The following MSRB3 variants were observed in gnomAD, a reference collection of about 807,000 sequenced individuals.
MSRB3 encodes methionine-R-sulfoxide reductase B3.
In MSRB3, 13 loss-of-function variants were observed where a neutral mutation model predicts 21.0. The ratio of observed to expected loss-of-function variants is 0.62; its 90% CI spans 0.40 to 0.98. The LOEUF (loss-of-function observed/expected upper bound fraction) is 0.98. Ranked by LOEUF, MSRB3 falls within the 50% of genes least tolerant of loss-of-function variation. MSRB3 has a pLI of 0.00. For missense variants in MSRB3, 199 were observed against 230.3 expected, an observed-to-expected ratio of 0.86 and a Z score of 0.88; for synonymous variants, 87 against 88.6, an observed-to-expected ratio of 0.98 and a Z score of 0.10.
At chr12:65,462,605 C>T (rs1883379342) in intron 6 of MSRB3, among the ~76,000 whole-genome samples, 1 of 152,194 alleles carries the variant, frequency 6.6e-6, no homozygotes, top group East Asian at 1.9e-4. Flanking sequence ...ATTTGCAGCC[C>T]TGGTGACTGT....
At chr12:65,293,102 C>A (rs116977231) in intron 1 of MSRB3, among the ~76,000 whole-genome samples, 4,199 of 152,228 alleles carry the variant, frequency 0.028, 87 homozygotes, top group Non-Finnish European at 0.038. Context: ...GAACTTAAGC[C>A]TCCCCACCTT....
chr12:65,407,513 G>A (rs562307217), intron 5 of MSRB3, among the ~76,000 whole-genome samples: 6 of 151,984 alleles, frequency 3.9e-5, no homozygotes, highest in East Asian at 3.9e-4. Context: ...ATTTGAATAC[G>A]ATATTGCCAG....
chr12:65,291,585 C>G (rs1421662365), intron 1 of MSRB3, among the ~76,000 whole-genome samples: 1 of 151,972 alleles, frequency 6.6e-6, no homozygotes, highest in Non-Finnish European at 1.5e-5. Flanking sequence ...TGCCATCCTT[C>G]CAAAAATATG....
chr12:65,278,750 G>T lies in MSRB3; in HGVS notation c.-167G>T. 6.4e-7 allele frequency: 1 copy of T among 1,572,750 alleles called. No individual in the cohort carries two copies. ...AGGGAGCGAGGTTCGGACACCGGCG[G>T]CGGCTGCCTGGCCTTTCCATGAGCC... On this transcript the variant is annotated 5_prime_UTR_variant, in exon 1 of 7. Transcript: ENST00000308259.
rs1418081653 is a variant in MSRB3, at chr12:65,412,092, C to T, written c.293-41636C>T. On this transcript the variant is annotated intron_variant, in intron 5 of 6. Transcript: ENST00000308259. ...CTATAGTCATGTTTTCACTCAATTTCAAGCCCTTTTTATTTTAACTTTATT... is the reference window on the plus strand; with the variant it reads ...CTATAGTCATGTTTTCACTCAATTTTAAGCCCTTTTTATTTTAACTTTATT... 4.6e-5 allele frequency among the ~76,000 whole-genome samples: 7 copies of T among 152,260 alleles called. No homozygotes were observed. In the East Asian group the frequency reaches 1.4e-3, roughly 29 times the overall value.
At chr12:65,354,705 T>C (rs1401741582) in intron 4 of MSRB3, among the ~76,000 whole-genome samples, 1 of 151,838 alleles carries the variant, frequency 6.6e-6, no homozygotes, top group African/African-American at 2.4e-5. Flanking sequence ...AAGGAATGAA[T>C]AAGGCAGTGA....
chr12:65,413,033 A>T (rs1396172929), intron 5 of MSRB3, among the ~76,000 whole-genome samples: 1 of 152,202 alleles, frequency 6.6e-6, no homozygotes, highest in East Asian at 1.9e-4. Context: ...CGTGGGGATG[A>T]TGGCGATTAC....
At chr12:65,306,888 T>G (rs1873685340) in intron 1 of MSRB3, 1 of 985,904 alleles carries the variant, frequency 1.0e-6, no homozygotes, top group East Asian at 1.1e-4. Flanking sequence ...TCTCTTCCTG[T>G]GCGCTGGCTT....
intron 2 of MSRB3, chr12:65,316,200 G>A (rs2136433852): frequency 1.3e-5 from 2 of 152,202 alleles, no homozygotes; most frequent in Middle Eastern, 3.4e-3. Flanking sequence ...TCTGTAAACT[G>A]AGAATTTTGT....
intron 2 of MSRB3, among the ~76,000 whole-genome samples, chr12:65,321,709 T>A (rs1874676929): frequency 1.3e-5 from 2 of 152,200 alleles, no homozygotes; most frequent in South Asian, 4.1e-4. Flanking sequence ...AAAAATGGTC[T>A]AAATTTGACT....
At chr12:65,288,924 G>A (rs1008176380) in intron 1 of MSRB3, among the ~76,000 whole-genome samples, 2 of 152,084 alleles carry the variant, frequency 1.3e-5, no homozygotes, top group African/African-American at 4.8e-5. Flanking sequence ...TCCTTTTTAT[G>A]AGAGAATATT....
chr12:65,372,966 A>G (rs934744820), intron 5 of MSRB3, among the ~76,000 whole-genome samples: 1 of 152,258 alleles, frequency 6.6e-6, no homozygotes, highest in African/African-American at 2.4e-5. Flanking sequence ...ATCCACTGCT[A>G]ACTATACTTT....
At chr12:65,325,540 C>G (rs528588333) in intron 2 of MSRB3, among the ~76,000 whole-genome samples, 16 of 152,222 alleles carry the variant, frequency 1.1e-4, no homozygotes, top group African/African-American at 3.4e-4. Flanking sequence ...TGATATCCTT[C>G]TTCAACACCA....
chr12:65,366,832 C>T (rs1878040872), intron 4 of MSRB3, among the ~76,000 whole-genome samples: 1 of 152,046 alleles, frequency 6.6e-6, no homozygotes, highest in African/African-American at 2.4e-5. Flanking sequence ...TCAGAATCAC[C>T]AGGAGAAGTC....
intron 4 of MSRB3, among the ~76,000 whole-genome samples, chr12:65,349,344 T>C (rs1468682901): frequency 6.6e-6 from 1 of 151,938 alleles, no homozygotes; most frequent in African/African-American, 2.4e-5. Context: ...GTCTTTGCTA[T>C]TGTGAATAAT....
intron 4 of MSRB3, among the ~76,000 whole-genome samples, chr12:65,354,794 G>A (rs1877282734): frequency 6.6e-6 from 1 of 151,866 alleles, no homozygotes; most frequent in Non-Finnish European, 1.5e-5. Flanking sequence ...GGCAATTTTA[G>A]TGGAAGTAGT....
intron 4 of MSRB3, among the ~76,000 whole-genome samples, chr12:65,336,383 A>G (rs996325022): frequency 1.3e-5 from 2 of 152,252 alleles, no homozygotes; most frequent in African/African-American, 4.8e-5. Flanking sequence ...AAAAAGTTAT[A>G]TACACACGGA....
intron 1 of MSRB3, among the ~76,000 whole-genome samples, chr12:65,302,951 C>T (rs1592504407): frequency 6.6e-6 from 1 of 152,066 alleles, no homozygotes; most frequent in African/African-American, 2.4e-5. Context: ...ATCTTGAGAT[C>T]GCTTTCTTAG....
intron 2 of MSRB3, among the ~76,000 whole-genome samples, chr12:65,324,244 AC>A (rs910000108): frequency 6.6e-6 from 1 of 152,236 alleles, no homozygotes; most frequent in African/African-American, 2.4e-5. Flanking sequence ...GCACATTCCT[AC>A]AAAATTTGTG....
Sources: gnomAD v4.1 joint callset for allele counts (sites outside exome capture counted in the v4.1 genomes callset) on GRCh38, gnomAD v4.1.1 for gene constraint, MANE v1.5 for transcripts, NCBI Gene and HGNC (gene_info 2026-07-23, HGNC 2026-07-21) for gene names.